Variants in MTA3 observed in about 807,000 individuals in gnomAD.
The protein encoded by MTA3 is metastasis associated 1 family member 3.
MTA3 carries 34 observed loss-of-function variants against 83.5 expected under a neutral mutation model. The ratio of observed to expected loss-of-function variants is 0.41; its 90% CI spans 0.31 to 0.54. The LOEUF is 0.54. Ranked by LOEUF, MTA3 falls within the 20% of genes least tolerant of loss-of-function variation. The pLI, the probability that MTA3 is intolerant of heterozygous loss-of-function variation, is 0.33. For synonymous variants in MTA3, 303 were observed against 252.7 expected, an observed-to-expected ratio of 1.20 and a Z score of -1.89; for missense variants, 761 against 726.4, an observed-to-expected ratio of 1.05 and a Z score of -0.55.
intron 16 of MTA3, among the ~76,000 whole-genome samples, chr2:42,747,537 T>A (rs1483338839): frequency 6.6e-6 from 1 of 151,794 alleles, no homozygotes; most frequent in Non-Finnish European, 1.5e-5. Context: ...GGAGAGAGAC[T>A]CTGTTTTCTG....
intron 9 of MTA3, among the ~76,000 whole-genome samples, chr2:42,683,980 C>T (rs1692161380): frequency 6.6e-6 from 1 of 152,000 alleles, no homozygotes; most frequent in Non-Finnish European, 1.5e-5. Flanking sequence ...GTAGAAAATA[C>T]ATATTTTCAA....
intron 3 of MTA3, among the ~76,000 whole-genome samples, chr2:42,602,633 T>C (rs1404495644): frequency 6.6e-6 from 1 of 152,164 alleles, no homozygotes; most frequent in Non-Finnish European, 1.5e-5. Flanking sequence ...AGGGCTAGGG[T>C]GATCAAATTG....
chr2:42,513,949 C>T (rs1675017827), intron 2 of MTA3, among the ~76,000 whole-genome samples: 1 of 152,180 alleles, frequency 6.6e-6, no homozygotes, highest in Non-Finnish European at 1.5e-5. Context: ...CACGGTGGCT[C>T]ATGCCTGTAA....
rs971006160 is a variant in MTA3 at position 42,659,700 on chromosome 2, C to A, written c.603-63C>A. 8.8e-6 allele frequency: 11 copies of A among 1,255,194 alleles called. No individual in the cohort carries two copies. In the African/African-American group the frequency reaches 1.3e-4, roughly 14 times the overall value. 77.8% of individuals were successfully genotyped at this position (1,255,194 alleles called of 1,614,324 possible). A position where few individuals can be genotyped will look rare whatever the true frequency, so the allele number is the denominator to read the frequency against. ...TACTATCCAAATGTGTTTTTTAAAA[C>A]GTTAAAAAAACAAACCAAAACAGAT... On this transcript the variant is annotated intron_variant, in intron 7 of 16. Transcript: ENST00000405094.
intron 14 of MTA3, among the ~76,000 whole-genome samples, chr2:42,712,545 C>A (rs1204564619): frequency 6.6e-6 from 1 of 152,108 alleles, no homozygotes; most frequent in Admixed American, 6.5e-5. Flanking sequence ...TTTTAATAAT[C>A]TTTATATGTG....
chr2:42,716,693 T>A (rs1667055030), intron 14 of MTA3, among the ~76,000 whole-genome samples: 1 of 152,250 alleles, frequency 6.6e-6, no homozygotes, highest in South Asian at 2.1e-4. Flanking sequence ...TAGTGTTTCA[T>A]GGTGTACATG....
At chr2:42,743,661 C>T (rs1669198756) in intron 16 of MTA3, among the ~76,000 whole-genome samples, 1 of 152,134 alleles carries the variant, frequency 6.6e-6, no homozygotes, top group African/African-American at 2.4e-5. Flanking sequence ...ATGTAGATGA[C>T]TCTGTAAGTA....
At chr2:42,504,562 T>A (rs1029588214) in intron 2 of MTA3, among the ~76,000 whole-genome samples, 6 of 152,002 alleles carry the variant, frequency 3.9e-5, no homozygotes, top group African/African-American at 9.7e-5. Flanking sequence ...TTCTTAAAGA[T>A]GAGAAGCCAC....
At chr2:42,667,592 G>GTT (rs1558562306) in intron 8 of MTA3, among the ~76,000 whole-genome samples, 30 of 130,250 alleles carry the variant, frequency 2.3e-4, no homozygotes, top group African/African-American at 5.4e-4. Flanking sequence ...GTGTGTGTGT[G>GTT]TGTGTGTGTG....
chr2:42,511,100 A>G (rs1674876930), intron 2 of MTA3, among the ~76,000 whole-genome samples: 1 of 152,072 alleles, frequency 6.6e-6, no homozygotes, highest in Non-Finnish European at 1.5e-5. Context: ...CAGTGCTGCT[A>G]TTTCTGCCTT....
chr2:42,499,649 G>T (rs1674305535), intron 2 of MTA3, among the ~76,000 whole-genome samples: 1 of 151,466 alleles, frequency 6.6e-6, no homozygotes, highest in African/African-American at 2.4e-5. Flanking sequence ...ATTAGCCGGG[G>T]TGGTGATGCA....
chr2:42,528,290 G>C (rs1034522804), intron 2 of MTA3, among the ~76,000 whole-genome samples: 2 of 150,092 alleles, frequency 1.3e-5, no homozygotes, highest in Non-Finnish European at 3.0e-5. Flanking sequence ...GCGTGATCTC[G>C]GCTCCTGCAG....
At chr2:42,548,854 T>TA (rs1676911982) in intron 2 of MTA3, among the ~76,000 whole-genome samples, 1 of 27,156 alleles carries the variant, frequency 3.7e-5, no homozygotes, top group Non-Finnish European at 5.4e-5. Flanking sequence ...ATAATATATA[T>TA]ATATAATATA....
intron 5 of MTA3, 131 bp downstream of exon 5, chr2:42,640,367 G>T: frequency 1.5e-6 from 1 of 651,386 alleles, no homozygotes; most frequent in Non-Finnish European, 2.5e-6. Context: ...TATAGTAAAA[G>T]TATAGTGACT....
chr2:42,607,211 T>C (rs1303425054), intron 3 of MTA3, among the ~76,000 whole-genome samples: 2 of 152,088 alleles, frequency 1.3e-5, no homozygotes, highest in Non-Finnish European at 2.9e-5. Flanking sequence ...TGACCTGTCA[T>C]TGTTCTCAAG....
chr2:42,554,766 T>G (rs557187508), intron 2 of MTA3, among the ~76,000 whole-genome samples: 126 of 152,246 alleles, frequency 8.3e-4, no homozygotes, highest in Non-Finnish European at 1.6e-3. Context: ...GTCTCCCCAG[T>G]GTTTGTGTGC....
rs141049904 is a variant in MTA3 at position 42,721,742 on chromosome 2, G to A, written c.1613-1147G>A. Among the ~76,000 whole-genome samples, 565 of 152,210 alleles carry A rather than the reference G, an allele frequency of 3.7e-3. 3 individuals are homozygous for A. Among genetic ancestry groups the A allele is most frequent in the African/African-American group, 0.012 (497 of 41,520 alleles). On this transcript the variant is annotated intron_variant, in intron 15 of 16. Coordinates refer to ENST00000405094, the MANE Select transcript of MTA3 (RefSeq NM_001330442.2). Reference sequence around the variant, plus strand: ...GAATAGGTAGAAAAATAGGAAAAGCGTATTCTCTTCCCTCATAAGGCCAAG... The same window carrying A: ...GAATAGGTAGAAAAATAGGAAAAGCATATTCTCTTCCCTCATAAGGCCAAG...
chr2:42,618,912 AT>A, intron 4 of MTA3, among the ~76,000 whole-genome samples: 1 of 152,102 alleles, frequency 6.6e-6, no homozygotes, highest in African/African-American at 2.4e-5. Context: ...AGCCTGGCCC[AT>A]TTTTCTTTTC....
At chr2:42,667,609 TATAGAGAGAGAAAGA>T (rs1558562365) in intron 8 of MTA3, among the ~76,000 whole-genome samples, 5 of 114,424 alleles carry the variant, frequency 4.4e-5, no homozygotes, top group African/African-American at 1.8e-4. Context: ...TGTGTGTGTG[TATAGAGAGAGAAAGA>T]GAGAGAGAGA....
Sources: allele counts gnomAD v4.1 joint callset (sites outside exome capture counted in the v4.1 genomes callset), GRCh38; gene constraint gnomAD v4.1.1; transcripts MANE v1.5; gene names NCBI Gene and HGNC (gene_info 2026-07-23, HGNC 2026-07-21).